The following BRINP2 variants were observed in gnomAD, a reference collection of about 807,000 sequenced individuals.
BRINP2 encodes the protein BMP/retinoic acid-inducible neural-specific protein 2.
Under a neutral mutation model 69.2 loss-of-function variants are expected in BRINP2, and 21 were observed. The observed-to-expected ratio is 0.30, with a 90% confidence interval of 0.22 to 0.44. BRINP2 has a LOEUF of 0.44. Ranked by LOEUF, BRINP2 falls within the 20% of genes least tolerant of loss-of-function variation. The pLI is 1.00. For synonymous variants in BRINP2, 380 were observed against 394.1 expected, an observed-to-expected ratio of 0.96 and a Z score of 0.42; for missense variants, 877 against 986.0, an observed-to-expected ratio of 0.89 and a Z score of 1.48.
chr1:177,226,266 C>T (rs910219382), intron 1 of BRINP2, among the ~76,000 whole-genome samples: 1 of 152,176 alleles, frequency 6.6e-6, no homozygotes, highest in African/African-American at 2.4e-5. Context: ...CACAATGACC[C>T]CACAATGAAA....
chr1:177,209,451 T>G (rs1649161962), intron 1 of BRINP2, among the ~76,000 whole-genome samples: 1 of 152,124 alleles, frequency 6.6e-6, no homozygotes, highest in African/African-American at 2.4e-5. Context: ...AAGATCTGCC[T>G]GGGCCATCCT....
rs71129597 is a variant in BRINP2 at position 177,183,137 on chromosome 1, C to CTTTTTTT, written c.-77+11424_-77+11430dup. Among the ~76,000 whole-genome samples the CTTTTTTT allele has an allele frequency of 8.8e-4, 48 of 54,288 alleles. 1 individual carries two copies. The highest frequency in any genetic ancestry group is 1.2e-3 in the Non-Finnish European group (34 of 29,226). 35.6% of individuals were successfully genotyped at this position (54,288 alleles called of 152,430 possible). A position where few individuals can be genotyped will look rare whatever the true frequency, so the allele number is the denominator to read the frequency against. On this transcript the variant is annotated intron_variant, in intron 1 of 7. Coordinates refer to ENST00000361539, the MANE Select transcript of BRINP2 (RefSeq NM_021165.4). ...TTTCCAGGTGATGGCAGTGTGTGAG[C>CTTTTTTT]TTTTTTTTTTTTTTTTTTTTTTTTT...
chr1:177,194,356 T>A (rs1035786432), intron 1 of BRINP2, among the ~76,000 whole-genome samples: 18 of 152,212 alleles, frequency 1.2e-4, no homozygotes, highest in African/African-American at 4.3e-4. Flanking sequence ...TTGCCATTGT[T>A]TGTTATCCAC....
In BRINP2 at chr1:177,179,938, G is replaced by A. The variant is rs79729793; in HGVS notation, c.-77+8206G>A. Among the ~76,000 whole-genome samples the A allele has an allele frequency of 1.5e-4, 23 of 152,086 alleles. No homozygotes were observed. The East Asian group carries it at 3.3e-3, about 22-fold the overall frequency. ...CACACATCTATACACACATATGTAC[G>A]TATGTATTCACACACACGCACACCC... On this transcript the variant is annotated intron_variant, in intron 1 of 7. Transcript: ENST00000361539.
chr1:177,221,253 G>A (rs1183527643), intron 1 of BRINP2, among the ~76,000 whole-genome samples: 1 of 152,148 alleles, frequency 6.6e-6, no homozygotes, highest in Non-Finnish European at 1.5e-5. Context: ...AGTAAATAAC[G>A]CATGGAAAGT....
At chr1:177,212,032 C>T (rs1341607887) in intron 1 of BRINP2, among the ~76,000 whole-genome samples, 1 of 151,748 alleles carries the variant, frequency 6.6e-6, no homozygotes, top group Non-Finnish European at 1.5e-5. Flanking sequence ...ACCTACCTAC[C>T]TATGTGCCAT....
rs2102368468 is a variant in BRINP2, at chr1:177,282,342, T to A, written c.*814T>A. The A allele has an allele frequency of 6.6e-6, 1 of 152,196 alleles. No homozygotes were observed. The highest frequency in any genetic ancestry group is 2.4e-5 in the African/African-American group (1 of 41,524). 9.4% of individuals were successfully genotyped at this position (152,196 alleles called of 1,614,324 possible). On this transcript the variant is annotated 3_prime_UTR_variant, in exon 8 of 8. Transcript: ENST00000361539. The stretch of plus-strand genomic sequence containing the variant: ...AAAAATAACAAAAACAAAACAAAAC[T>A]ATTTATTTTGTGATTGTTTTCCTTG...
At chr1:177,192,520 G>C (rs941497996) in intron 1 of BRINP2, among the ~76,000 whole-genome samples, 1 of 152,136 alleles carries the variant, frequency 6.6e-6, no homozygotes, top group African/African-American at 2.4e-5. Context: ...CCTTACTACT[G>C]CCTGGATCTG....
At chr1:177,210,659 T>A (rs1571900293) in intron 1 of BRINP2, among the ~76,000 whole-genome samples, 1 of 152,300 alleles carries the variant, frequency 6.6e-6, no homozygotes, top group Non-Finnish European at 1.5e-5. Flanking sequence ...GTTAAAAACA[T>A]ACTCAGTTCA....
intron 4 of BRINP2, among the ~76,000 whole-genome samples, chr1:177,271,781 T>G (rs998845836): frequency 2.0e-5 from 3 of 152,176 alleles, no homozygotes; most frequent in African/African-American, 7.2e-5. Flanking sequence ...ATACCTTTCT[T>G]TATTCAATTT....
intron 2 of BRINP2, among the ~76,000 whole-genome samples, chr1:177,238,265 C>G (rs1046466415): frequency 6.6e-6 from 1 of 152,224 alleles, no homozygotes; most frequent in African/African-American, 2.4e-5. Flanking sequence ...ACCATCTTCC[C>G]CTCTGGGAGT....
intron 4 of BRINP2, among the ~76,000 whole-genome samples, chr1:177,266,051 T>C (rs112938037): frequency 0.022 from 3,316 of 151,764 alleles, 113 homozygotes; most frequent in African/African-American, 0.077. Context: ...GCCCAGGAGC[T>C]GGAGCTTGCA....
At chr1:177,190,973 A>G (rs929205846) in intron 1 of BRINP2, among the ~76,000 whole-genome samples, 4 of 152,212 alleles carry the variant, frequency 2.6e-5, no homozygotes, top group African/African-American at 9.7e-5. Context: ...TCCTTAACCA[A>G]TAGCATAAAG....
intron 1 of BRINP2, among the ~76,000 whole-genome samples, chr1:177,205,313 G>C (rs139467636): frequency 2.0e-5 from 3 of 152,194 alleles, no homozygotes; most frequent in South Asian, 4.2e-4. Context: ...GCTAAATTTT[G>C]TATTTTTAGT....
rs866958960 is a variant in BRINP2, at chr1:177,256,924, G to C, written c.461-252G>C. On this transcript the variant is annotated intron_variant, in intron 3 of 7. Coordinates refer to ENST00000361539, the MANE Select transcript of BRINP2 (RefSeq NM_021165.4). ...TTGCTTGAGACAGAGTTCAATAGAA[G>C]ATGTTAAACAGATAAGCTGAGGGCA... 3.8e-6 allele frequency: 5 copies of C among 1,327,174 alleles called. No homozygotes were observed. In the Middle Eastern group the frequency reaches 7.3e-4, roughly 194 times the overall value. The allele number at this position is 1,327,174 out of a possible 1,614,324, so 82.2% of individuals were successfully genotyped here.
Position 177,273,538 on chromosome 1 carries a change from G to A in BRINP2, c.720G>A (p.Leu240=). ...TGGGCTGCAGCAACTATGACAATCT[G>A]GACTCAGTCAGTTCTGTCTTGGTAC... The part of the protein sequence containing the change: ...GPLGCSNYDN[L]DSVSSVLVQS... The change falls in exon 5 of 8, where the codon CTG becomes CTA. Residue 240 remains leucine, a synonymous_variant. Coordinates refer to ENST00000361539, the MANE Select transcript of BRINP2 (RefSeq NM_021165.4). 1 of 1,608,734 alleles carries A rather than the reference G, an allele frequency of 6.2e-7. No individual in the cohort carries two copies. Among genetic ancestry groups the A allele is most frequent in the Non-Finnish European group, 8.5e-7 (1 of 1,177,468 alleles).
chr1:177,186,333 AG>A lies in BRINP2; in HGVS notation c.-77+14602del, dbSNP rs538859565. Reference sequence around the variant, plus strand: ...GAGTTTCCTAATCATAATACAAAAAAGAAAAAAAGGAGGATAGACTAATGAT... The same window carrying A: ...GAGTTTCCTAATCATAATACAAAAAAAAAAAAAGGAGGATAGACTAATGAT... On this transcript the variant is annotated intron_variant, in intron 1 of 7. Transcript: ENST00000361539. 3.5e-4 allele frequency among the ~76,000 whole-genome samples: 53 copies of A among 152,298 alleles called. 1 individual carries two copies. Among genetic ancestry groups the A allele is most frequent in the African/African-American group, 1.2e-3 (49 of 41,570 alleles).
At position 177,222,112 on chromosome 1, in the gene BRINP2, C is replaced by T. The variant is rs55862732; in HGVS notation, c.-76-7689C>T. 4.5e-3 allele frequency among the ~76,000 whole-genome samples: 687 copies of T among 152,302 alleles called. 7 individuals carry two copies. Among genetic ancestry groups the T allele is most frequent in the Non-Finnish European group, 7.7e-3 (526 of 68,026 alleles). ...CCTCTAAAAGGCTAAAATGAGGAAA[C>T]GCCTTTTAACAGAAATCTTACCTTT... On this transcript the variant is annotated intron_variant, in intron 1 of 7. Coordinates refer to ENST00000361539, the MANE Select transcript of BRINP2 (RefSeq NM_021165.4).
intron 4 of BRINP2, among the ~76,000 whole-genome samples, chr1:177,262,501 C>T (rs1019496666): frequency 2.9e-5 from 4 of 136,770 alleles, no homozygotes; most frequent in Non-Finnish European, 4.8e-5. Flanking sequence ...ACAGAGCAAG[C>T]CTCTGTCTGG....
Sources: gnomAD v4.1 joint callset for allele counts (sites outside exome capture counted in the v4.1 genomes callset) on GRCh38, gnomAD v4.1.1 for gene constraint, MANE v1.5 for transcripts, NCBI Gene and HGNC (gene_info 2026-07-23, HGNC 2026-07-21) for gene names.